FOXN2: variants seen among roughly 807,000 people sequenced by gnomAD.
FOXN2 encodes the protein forkhead box protein N2.
A neutral mutation model predicts 41.2 loss-of-function variants in FOXN2; 19 were observed. The ratio of observed to expected loss-of-function variants is 0.46; its 90% CI spans 0.32 to 0.68. FOXN2 has a LOEUF of 0.68. FOXN2 is among the 30% of genes least tolerant of loss of function. The pLI is 0.03. For missense variants in FOXN2, 587 were observed against 509.4 expected (o/e 1.15, Z -1.47); for synonymous variants, 195 against 176.8 (o/e 1.10, Z -0.82).
intron 2 of FOXN2, among the ~76,000 whole-genome samples, chr2:48,345,360 G>C (rs1188028810): frequency 5.9e-5 from 9 of 152,154 alleles, no homozygotes; most frequent in East Asian, 5.8e-4. Context: ...GTGTAGGGAA[G>C]GGGGAGATGT....
chr2:48,331,102 A>C (rs1430328508), intron 2 of FOXN2, among the ~76,000 whole-genome samples: 1 of 152,174 alleles, frequency 6.6e-6, no homozygotes, highest in African/African-American at 2.4e-5. Context: ...TTCATTACCC[A>C]AAGAGGTAAT....
intron 4 of FOXN2, among the ~76,000 whole-genome samples, chr2:48,361,180 A>T (rs1166690534): frequency 1.3e-5 from 2 of 152,178 alleles, no homozygotes; most frequent in Admixed American, 6.5e-5. Context: ...GAAGATAAAA[A>T]CTATGGTCAG....
chr2:48,349,331 G>A (rs1671306340), intron 3 of FOXN2, among the ~76,000 whole-genome samples: 1 of 151,920 alleles, frequency 6.6e-6, no homozygotes, highest in African/African-American at 2.4e-5. Flanking sequence ...ACTAAAATTA[G>A]AAAAAATTAG....
intron 1 of FOXN2, among the ~76,000 whole-genome samples, chr2:48,319,096 A>C (rs1473539104): frequency 1.3e-5 from 2 of 151,788 alleles, no homozygotes; most frequent in Non-Finnish European, 2.9e-5. Flanking sequence ...TTAGAAGAAA[A>C]TTCTTGCCTT....
rs1673333987 is a variant in FOXN2 at position 48,377,642 on chromosome 2, T to C, written c.*2199T>C. 6.6e-6 allele frequency: 1 copy of C among 152,104 alleles called. No individual in the cohort carries two copies. 9.4% of individuals were successfully genotyped at this position (152,104 alleles called of 1,614,324 possible). A position where few individuals can be genotyped will look rare whatever the true frequency, so the allele number is the denominator to read the frequency against. On this transcript the variant is annotated 3_prime_UTR_variant, in exon 7 of 7. Transcript: ENST00000340553. ...TTTTTATTCACTCTTCCCACGAATT[T>C]AAATGTTTAAGTTATATTCATCACT...
At chr2:48,364,722 G>T (rs566049827) in intron 5 of FOXN2, among the ~76,000 whole-genome samples, 1 of 152,232 alleles carries the variant, frequency 6.6e-6, no homozygotes, top group Non-Finnish European at 1.5e-5. Context: ...TGTCCCATGA[G>T]CTAAGGATGG....
intron 1 of FOXN2, among the ~76,000 whole-genome samples, chr2:48,315,149 C>T (rs1490826847): frequency 6.6e-6 from 1 of 152,132 alleles, no homozygotes; most frequent in Non-Finnish European, 1.5e-5. Context: ...GGTGTCGTCT[C>T]TCCGGGAAGG....
At chr2:48,340,600 G>A (rs984244002) in intron 2 of FOXN2, 4 of 152,082 alleles carry the variant, frequency 2.6e-5, no homozygotes, top group African/African-American at 9.7e-5. Flanking sequence ...CTCTAGATGG[G>A]TTCCAGAGTG....
At chr2:48,336,435 A>ATGTGTG (rs748406091) in intron 2 of FOXN2, among the ~76,000 whole-genome samples, 35 of 146,162 alleles carry the variant, frequency 2.4e-4, no homozygotes, top group African/African-American at 6.3e-4. Context: ...ATATATGTAT[A>ATGTGTG]TGTGTGTGTG....
intron 1 of FOXN2, among the ~76,000 whole-genome samples, chr2:48,318,652 C>T (rs917693956): frequency 3.3e-5 from 5 of 152,266 alleles, no homozygotes; most frequent in Non-Finnish European, 7.4e-5. Flanking sequence ...TTGTAATTTC[C>T]CTCGACCTAA....
At chr2:48,324,805 C>G (rs1669557232) in intron 1 of FOXN2, among the ~76,000 whole-genome samples, 1 of 152,018 alleles carries the variant, frequency 6.6e-6, no homozygotes, top group Non-Finnish European at 1.5e-5. Flanking sequence ...GGTCTCTTAA[C>G]ATAAATAACT....
chr2:48,349,054 A>T (rs559436087), intron 3 of FOXN2, among the ~76,000 whole-genome samples: 1 of 152,218 alleles, frequency 6.6e-6, no homozygotes, highest in African/African-American at 2.4e-5. Context: ...CAGTCTCTCC[A>T]TCTACTCAAT....
At chr2:48,367,734 C>T (rs1002487842) in intron 5 of FOXN2, among the ~76,000 whole-genome samples, 2 of 152,214 alleles carry the variant, frequency 1.3e-5, no homozygotes, top group African/African-American at 4.8e-5. Flanking sequence ...TCTCATATGG[C>T]TAAAACTAGT....
intron 3 of FOXN2, among the ~76,000 whole-genome samples, chr2:48,351,829 G>A (rs1481261078): frequency 2.0e-5 from 3 of 152,098 alleles, no homozygotes; most frequent in Admixed American, 2.0e-4. Flanking sequence ...TAAACTAAAA[G>A]ATTTGGGAAA....
At chr2:48,331,896 T>C (rs1003239479) in intron 2 of FOXN2, among the ~76,000 whole-genome samples, 1 of 152,080 alleles carries the variant, frequency 6.6e-6, no homozygotes, top group Non-Finnish European at 1.5e-5. Flanking sequence ...TCATTAAATA[T>C]ATATTCATAT....
intron 4 of FOXN2, among the ~76,000 whole-genome samples, chr2:48,361,532 T>C (rs1469476711): frequency 1.3e-5 from 2 of 152,098 alleles, no homozygotes; most frequent in East Asian, 3.8e-4. Context: ...CTTTAAACCC[T>C]TAATATAAAA....
chr2:48,336,303 G>A (rs1670347482), intron 2 of FOXN2, among the ~76,000 whole-genome samples: 1 of 151,342 alleles, frequency 6.6e-6, no homozygotes, highest in African/African-American at 2.4e-5. Flanking sequence ...AGCTACTCAG[G>A]AGGCCGAGGC....
intron 4 of FOXN2, among the ~76,000 whole-genome samples, chr2:48,359,755 T>A (rs1672053162): frequency 6.6e-6 from 1 of 152,096 alleles, no homozygotes; most frequent in African/African-American, 2.4e-5. Flanking sequence ...CAATACTGAG[T>A]ATAAGTAAAC....
chr2:48,373,916 G>GTC (rs1673067413), intron 6 of FOXN2, among the ~76,000 whole-genome samples: 1 of 151,988 alleles, frequency 6.6e-6, no homozygotes, highest in Non-Finnish European at 1.5e-5. Context: ...TTAGCCAGAT[G>GTC]TGGTGGTGCA....
Sources: gnomAD v4.1 joint callset for allele counts (sites outside exome capture counted in the v4.1 genomes callset) on GRCh38, gnomAD v4.1.1 for gene constraint, MANE v1.5 for transcripts, NCBI Gene and HGNC (gene_info 2026-07-23, HGNC 2026-07-21) for gene names.